Variants in LSAMP observed in about 807,000 individuals in gnomAD.
The protein encoded by LSAMP is limbic system-associated membrane protein.
A neutral mutation model predicts 38.6 loss-of-function variants in LSAMP; 7 were observed. The observed-to-expected ratio is 0.18, with a 90% CI of 0.10 to 0.34. The LOEUF (loss-of-function observed/expected upper bound fraction) is 0.34. Ranked by LOEUF, LSAMP falls within the 10% of genes least tolerant of loss-of-function variation. LSAMP has a pLI of 1.00. For synonymous variants in LSAMP, 154 were observed against 166.8 expected, an observed-to-expected ratio of 0.92 and a Z score of 0.59; for missense variants, 313 against 420.0, an observed-to-expected ratio of 0.75 and a Z score of 2.23.
chr3:116,105,718 T>C lies in LSAMP; in HGVS notation c.156-19162A>G, dbSNP rs370859124. On this transcript the variant is annotated intron_variant, in intron 1 of 6. Transcript: ENST00000490035. Reference sequence around the variant, plus strand: ...ACTTCTTTTGTGATTCTTCAGTTACTTCAGGCCATCTGGGCATATACGTGC... The same window carrying C: ...ACTTCTTTTGTGATTCTTCAGTTACCTCAGGCCATCTGGGCATATACGTGC... Among the ~76,000 whole-genome samples the C allele has an allele frequency of 1.0e-3, 154 of 152,328 alleles. 2 individuals carry two copies. Among genetic ancestry groups the C allele is most frequent in the South Asian group, 5.8e-3 (28 of 4,824 alleles).
chr3:115,954,072 TG>T (rs1163871375), intron 3 of LSAMP, among the ~76,000 whole-genome samples: 1 of 152,240 alleles, frequency 6.6e-6, no homozygotes, highest in Non-Finnish European at 1.5e-5. Context: ...CTTGTTTATT[TG>T]TTTTTTAACT....
chr3:115,838,296 A>G (rs1413779375), intron 6 of LSAMP: 1 of 152,232 alleles, frequency 6.6e-6, no homozygotes, highest in East Asian at 1.9e-4. Flanking sequence ...TTCTTCCTCC[A>G]TGTCCGTTAT....
intron 1 of LSAMP, among the ~76,000 whole-genome samples, chr3:116,211,616 A>C (rs2046157715): frequency 6.6e-6 from 1 of 152,212 alleles, no homozygotes; most frequent in African/African-American, 2.4e-5. Flanking sequence ...CAAAAAGAGG[A>C]TAAGGTGGGC....
intron 3 of LSAMP, among the ~76,000 whole-genome samples, chr3:115,866,156 T>C (rs549414159): frequency 6.6e-6 from 1 of 152,266 alleles, no homozygotes; most frequent in East Asian, 1.9e-4. Context: ...AAGATGCCTG[T>C]GTGACTCTGG....
chr3:115,854,632 A>G lies in LSAMP; in HGVS notation c.515-2015T>C, dbSNP rs116178328. Among the ~76,000 whole-genome samples, 1,322 of 152,288 alleles carry G rather than the reference A, an allele frequency of 8.7e-3. 25 individuals are homozygous for G. Among genetic ancestry groups the G allele is most frequent in the African/African-American group, 0.03 (1,260 of 41,538 alleles). On this transcript the variant is annotated intron_variant, in intron 3 of 6. Transcript: ENST00000490035. ...GTTATAGAAGTAGAATGTAGTAGAG[A>G]AGAAAACAGTAATCTCAGAAAGGGT...
chr3:116,245,697 AAGTT>A (rs1214838555), intron 1 of LSAMP, among the ~76,000 whole-genome samples: 1 of 152,226 alleles, frequency 6.6e-6, no homozygotes, highest in Non-Finnish European at 1.5e-5. Context: ...ATGAAAAAGT[AAGTT>A]AGTTCATTAA....
intron 4 of LSAMP, among the ~76,000 whole-genome samples, chr3:115,848,795 G>A (rs1935240083): frequency 6.6e-6 from 1 of 152,204 alleles, no homozygotes. Flanking sequence ...GAAAGTGGAA[G>A]GTGGGAATGT....
At chr3:116,428,639 C>T (rs1041507084) in intron 1 of LSAMP, among the ~76,000 whole-genome samples, 2 of 152,016 alleles carry the variant, frequency 1.3e-5, no homozygotes, top group Admixed American at 1.3e-4. Context: ...AGTTTGGAAC[C>T]TTTGTACTAA....
intron 3 of LSAMP, among the ~76,000 whole-genome samples, chr3:115,989,704 T>A (rs1939612612): frequency 6.6e-6 from 1 of 152,112 alleles, no homozygotes; most frequent in South Asian, 2.1e-4. Context: ...GGAACCATTG[T>A]CTTTTTGGTA....
intron 1 of LSAMP, among the ~76,000 whole-genome samples, chr3:116,299,587 G>A (rs1386576845): frequency 6.6e-6 from 1 of 152,108 alleles, no homozygotes; most frequent in African/African-American, 2.4e-5. Flanking sequence ...GAAGTTTCTG[G>A]GTATATAGAT....
At chr3:116,312,978 G>A (rs895525596) in intron 1 of LSAMP, among the ~76,000 whole-genome samples, 12 of 152,064 alleles carry the variant, frequency 7.9e-5, no homozygotes, top group Non-Finnish European at 2.9e-5. Flanking sequence ...TTATTTTTCA[G>A]TGATGGTCTT....
At position 116,191,655 on chromosome 3, in the gene LSAMP, G is replaced by A. The variant is rs148271158; in HGVS notation, c.156-105099C>T. Reference sequence around the variant, plus strand: ...AATTTCCTTGGCCCATCTAGTTTCCGGGTTTAGCTCTTCTGTCTTGAATCA... The same window carrying A: ...AATTTCCTTGGCCCATCTAGTTTCCAGGTTTAGCTCTTCTGTCTTGAATCA... On this transcript the variant is annotated intron_variant, in intron 1 of 6. Coordinates refer to ENST00000490035, the MANE Select transcript of LSAMP (RefSeq NM_002338.5). Among the ~76,000 whole-genome samples, 33 of 151,610 alleles carry A rather than the reference G, an allele frequency of 2.2e-4. No individual in the cohort carries two copies. In the East Asian group the frequency reaches 6.2e-3, roughly 28 times the overall value.
intron 3 of LSAMP, among the ~76,000 whole-genome samples, chr3:115,963,551 G>A (rs1370519586): frequency 2.0e-5 from 3 of 152,172 alleles, no homozygotes; most frequent in Non-Finnish European, 4.4e-5. Flanking sequence ...ATCATGCTAA[G>A]ACAAAACTCT....
At chr3:116,204,283 T>C (rs2046032708) in intron 1 of LSAMP, among the ~76,000 whole-genome samples, 1 of 151,048 alleles carries the variant, frequency 6.6e-6, no homozygotes, top group Non-Finnish European at 1.5e-5. Flanking sequence ...TTGAGTTCAT[T>C]GTAGATTCTG....
chr3:116,410,752 C>G (rs1026480849), intron 1 of LSAMP, among the ~76,000 whole-genome samples: 1 of 152,126 alleles, frequency 6.6e-6, no homozygotes, highest in Non-Finnish European at 1.5e-5. Context: ...CCTTGCCCAT[C>G]AAGCTCAGTA....
intron 3 of LSAMP, among the ~76,000 whole-genome samples, chr3:116,017,998 T>G (rs1940533398): frequency 1.3e-5 from 2 of 152,114 alleles, no homozygotes; most frequent in Non-Finnish European, 2.9e-5. Flanking sequence ...GCTCTGAAGG[T>G]TTAATTCATT....
chr3:116,344,999 G>A (rs1378106370), intron 1 of LSAMP, among the ~76,000 whole-genome samples: 1 of 152,174 alleles, frequency 6.6e-6, no homozygotes, highest in Non-Finnish European at 1.5e-5. Context: ...GTGTATGTAT[G>A]TGTGTGTACC....
intron 3 of LSAMP, among the ~76,000 whole-genome samples, chr3:116,000,226 T>A (rs1461710053): frequency 3.3e-5 from 5 of 152,118 alleles, no homozygotes; most frequent in African/African-American, 1.2e-4. Context: ...ATACACTCCT[T>A]TGTAAGTGCC....
chr3:115,853,817 A>C (rs1265104206), intron 3 of LSAMP, among the ~76,000 whole-genome samples: 1 of 152,200 alleles, frequency 6.6e-6, no homozygotes, highest in Non-Finnish European at 1.5e-5. Flanking sequence ...GGAGGGTGTT[A>C]AAGAACACAG....
Sources: allele counts gnomAD v4.1 joint callset (sites outside exome capture counted in the v4.1 genomes callset), GRCh38; gene constraint gnomAD v4.1.1; transcripts MANE v1.5; gene names NCBI Gene and HGNC (gene_info 2026-07-23, HGNC 2026-07-21).